Variants in INTS6L observed in about 807,000 individuals in gnomAD.
The protein encoded by INTS6L is integrator complex subunit 6-like.
Under a neutral mutation model 64.7 loss-of-function variants are expected in INTS6L, and 18 were observed. That is an observed-to-expected ratio of 0.28 (90% CI 0.19 to 0.41). INTS6L has a LOEUF of 0.41. Ranked by LOEUF, INTS6L falls within the 10% of genes least tolerant of loss-of-function variation. The pLI is 1.00. For synonymous variants in INTS6L, 227 were observed against 235.9 expected (o/e 0.96, Z 0.34); for missense variants, 533 against 661.0 (o/e 0.81, Z 2.12).
intron 2 of INTS6L, among the ~76,000 whole-genome samples, chrX:135,528,875 C>CCG (rs1556503040): frequency 9.5e-5 from 8 of 84,237 alleles, no homozygotes; most frequent in East Asian, 4.4e-4. Flanking sequence ...CACCCCCCCC[C>CCG]CCGACCCACC....
intron 2 of INTS6L, among the ~76,000 whole-genome samples, chrX:135,525,308 A>G (rs2085703515): frequency 8.9e-6 from 1 of 112,416 alleles, no homozygotes; most frequent in Non-Finnish European, 1.9e-5. Flanking sequence ...TTTATGTTGG[A>G]AGCTACTTAA....
At chrX:135,552,675 G>T (rs1299824817) in intron 8 of INTS6L, among the ~76,000 whole-genome samples, 3 of 112,286 alleles carry the variant, frequency 2.7e-5, no homozygotes, top group Non-Finnish European at 5.6e-5. Flanking sequence ...AATGCATAGA[G>T]ATATCTATCA....
rs1556527060 is a variant in INTS6L, at chrX:135,570,535, C to T, written c.1387C>T (p.Leu463Phe). The change falls in exon 11 of 18, where the codon CTC (leucine) becomes TTC (phenylalanine). Residue 463 changes from leucine to phenylalanine, a missense_variant. Physicochemically the swap from Leu to Phe is conservative, Grantham distance 22 (BLOSUM62 0). Transcript: ENST00000639893. ...CAGTGTTATCTCTTACCTTAAAAAA[C>T]TCAGCCAACAGGTAGTATTGGTAAA... ...SYSVISYLKKLSQQTKLESER... is the reference protein window; with the variant it reads ...SYSVISYLKKFSQQTKLESER... The T allele has an allele frequency of 1.7e-6, 2 of 1,154,658 alleles. No homozygotes were observed. The highest frequency in any genetic ancestry group is 3.3e-5 in the East Asian group (1 of 30,703).
intron 14 of INTS6L, among the ~76,000 whole-genome samples, chrX:135,576,855 C>T (rs1200792737): frequency 8.9e-6 from 1 of 112,421 alleles, no homozygotes; most frequent in Admixed American, 9.4e-5. Flanking sequence ...TTGAATAATG[C>T]TGCTTATTTG....
At chrX:135,557,618 C>G (rs1452049795) in intron 9 of INTS6L, among the ~76,000 whole-genome samples, 1 of 111,979 alleles carries the variant, frequency 8.9e-6, no homozygotes, top group Non-Finnish European at 1.9e-5. Flanking sequence ...AGGTACTATG[C>G]TAGAAAACAT....
At chrX:135,527,254 G>T (rs1406105244) in intron 2 of INTS6L, among the ~76,000 whole-genome samples, 1 of 111,980 alleles carries the variant, frequency 8.9e-6, no homozygotes, top group African/African-American at 3.3e-5. Flanking sequence ...GTTTCCAAAA[G>T]ACAAGTGTAA....
In INTS6L at chrX:135,572,898, T is replaced by A; in HGVS notation, c.1482T>A (p.Ser494=). The change falls in exon 12 of 18, where the codon TCT becomes TCA. Residue 494 remains serine (S), a synonymous_variant. Coordinates refer to ENST00000639893, the MANE Select transcript of INTS6L (RefSeq NM_001351601.3). Reference sequence around the variant, plus strand: ...TTGGAATTAAAGTGAAAAATCATTCTGGAGGTGGCATGTCCTTGACTCACA... The same window carrying A: ...TTGGAATTAAAGTGAAAAATCATTCAGGAGGTGGCATGTCCTTGACTCACA... ...QEIGIKVKNH[S]GGGMSLTHNK... The A allele has an allele frequency of 8.3e-7, 1 of 1,211,740 alleles. No individual in the cohort carries two copies.
intron 9 of INTS6L, among the ~76,000 whole-genome samples, chrX:135,567,879 A>G (rs2086993661): frequency 8.9e-6 from 1 of 112,429 alleles, no homozygotes; most frequent in Non-Finnish European, 1.9e-5. Flanking sequence ...ATAATTTATT[A>G]TAGCTGTAAA....
At chrX:135,554,122 C>G (rs2086579843) in intron 8 of INTS6L, among the ~76,000 whole-genome samples, 1 of 111,976 alleles carries the variant, frequency 8.9e-6, no homozygotes, top group Non-Finnish European at 1.9e-5. Flanking sequence ...GAGGGACTTA[C>G]ATTGTCTGAA....
At chrX:135,566,511 G>T (rs1441901375) in intron 9 of INTS6L, among the ~76,000 whole-genome samples, 1 of 111,832 alleles carries the variant, frequency 8.9e-6, no homozygotes, top group Non-Finnish European at 1.9e-5. Context: ...TACAGTAATT[G>T]TTCATAACAG....
intron 9 of INTS6L, among the ~76,000 whole-genome samples, chrX:135,556,930 C>T (rs888934165): frequency 1.8e-5 from 2 of 111,661 alleles, no homozygotes; most frequent in African/African-American, 3.3e-5. Context: ...GTTTTTATTT[C>T]GTGGAGTTTC....
chrX:135,536,148 C>T (rs1359783626), intron 2 of INTS6L, among the ~76,000 whole-genome samples: 3 of 111,811 alleles, frequency 2.7e-5, no homozygotes, highest in Middle Eastern at 4.2e-3. Flanking sequence ...ACAAATGGAG[C>T]CTCCCAGCAA....
At position 135,521,415 on chromosome X, in the gene INTS6L, C is replaced by T. The variant is rs782787338; in HGVS notation, c.189+97C>T. ...CCCCGCCTAAGGCGGTCCTGCGTCG[C>T]CCGGCGGGGCGGGCGGCGAGGGGGT... On this transcript the variant is annotated intron_variant, in intron 2 of 17. Coordinates refer to ENST00000639893, the MANE Select transcript of INTS6L (RefSeq NM_001351601.3). 226 of 912,629 alleles carry T rather than the reference C, an allele frequency of 2.5e-4. No homozygotes were observed. The South Asian group carries it at 5.2e-3, about 21-fold the overall frequency. 75.2% of individuals were successfully genotyped at this position (912,629 alleles called of 1,213,427 possible).
chrX:135,572,767 A>C (rs1556528389), intron 11 of INTS6L, 48 bp from the exon 12 acceptor site: 1 of 1,046,391 alleles, frequency 9.6e-7, no homozygotes. Flanking sequence ...TAAAAATGAC[A>C]GTGGTAATGT....
rs781923346 is a variant in INTS6L, at chrX:135,572,982, A to G, written c.1566A>G (p.Thr522=). Residue 522 remains threonine (T), a synonymous_variant, in exon 12 of 18, where the codon ACA becomes ACG. Coordinates refer to ENST00000639893, the MANE Select transcript of INTS6L (RefSeq NM_001351601.3). ...CAGGGGAAACTGCACTTAGACTGAC[A>G]GAATTGAACACCAAAGAATTTGCTG... ...EITGETALRL[T]ELNTKEFAGF... 28 of 1,209,939 alleles carry G rather than the reference A, an allele frequency of 2.3e-5. No individual in the cohort carries two copies. In the East Asian group the frequency reaches 8.3e-4, roughly 36 times the overall value.
intron 6 of INTS6L, among the ~76,000 whole-genome samples, chrX:135,547,947 A>G (rs1232792134): frequency 2.7e-5 from 3 of 111,085 alleles, no homozygotes; most frequent in Admixed American, 1.9e-4. Flanking sequence ...AGGGAACTAA[A>G]CAAGCACCAT....
At chrX:135,577,518 G>T in intron 15 of INTS6L, 91 bp downstream of exon 15, 2 of 917,541 alleles carry the variant, frequency 2.2e-6, no homozygotes, top group Non-Finnish European at 1.5e-6. Flanking sequence ...CTTCCTTTGT[G>T]TTCAGTTTGT....
chrX:135,520,681 T>A lies in INTS6L; in HGVS notation c.-312T>A. The A allele has an allele frequency of 3.4e-6, 1 of 294,679 alleles. No individual in the cohort carries two copies. The highest frequency in any genetic ancestry group is 6.0e-6 in the Non-Finnish European group (1 of 165,820). 24.3% of individuals were successfully genotyped at this position (294,679 alleles called of 1,213,427 possible). Reference sequence around the variant, plus strand: ...GCTCAGTCTGGGGCGAGCGCTCTAGTGAGCGCGGACGGATGCTTAGGCAGT... The same window carrying A: ...GCTCAGTCTGGGGCGAGCGCTCTAGAGAGCGCGGACGGATGCTTAGGCAGT... On this transcript the variant is annotated 5_prime_UTR_variant, in exon 1 of 18. Transcript: ENST00000639893.
Position 135,572,836 on chromosome X carries a change from A to G in INTS6L, c.1420A>G (p.Ile474Val). 1 of 1,211,578 alleles carries G rather than the reference A, an allele frequency of 8.3e-7. No individual in the cohort carries two copies. Residue 474 changes from isoleucine (I) to valine (V), a missense_variant, in exon 12 of 18, where the codon ATA (isoleucine) becomes GTA (valine). Transcript: ENST00000639893. Reference sequence around the variant, plus strand: ...TTAGACCAAACTAGAGTCAGAACGAATACTAGCATCAGTGGGGAAGAAACC... The same window carrying G: ...TTAGACCAAACTAGAGTCAGAACGAGTACTAGCATCAGTGGGGAAGAAACC... ...SQQTKLESER[I>V]LASVGKKPPQ...
Sources: allele counts gnomAD v4.1 joint callset (sites outside exome capture counted in the v4.1 genomes callset), GRCh38; gene constraint gnomAD v4.1.1; transcripts MANE v1.5; gene names NCBI Gene and HGNC (gene_info 2026-07-23, HGNC 2026-07-21).